CHD6: variants seen among roughly 807,000 people sequenced by gnomAD.
The protein encoded by CHD6 is ATP-dependent chromatin remodeler CHD6.
A neutral mutation model predicts 276.9 loss-of-function variants in CHD6; 50 were observed. The ratio of observed to expected loss-of-function variants is 0.18; its 90% CI spans 0.14 to 0.23. CHD6 has a LOEUF of 0.23. Among genes scored for constraint, CHD6 ranks in the 10% least tolerant of loss-of-function variants. The probability of loss-of-function intolerance (pLI) is 1.00; values close to 1 mark genes in which losing one functional copy is unlikely to be tolerated. For missense variants in CHD6, 2,564 were observed against 3,365.8 expected (o/e 0.76, Z 5.89); for synonymous variants, 1,173 against 1,229.3 (o/e 0.95, Z 0.96).
At chr20:41,524,601 AG>A (rs2044483316) in intron 3 of CHD6, among the ~76,000 whole-genome samples, 1 of 152,212 alleles carries the variant, frequency 6.6e-6, no homozygotes, top group Non-Finnish European at 1.5e-5. Flanking sequence ...CCAAATCCCC[AG>A]AGAGGATCAC....
intron 17 of CHD6, among the ~76,000 whole-genome samples, chr20:41,463,192 A>G (rs2042842551): frequency 6.6e-6 from 1 of 152,218 alleles, no homozygotes; most frequent in South Asian, 2.1e-4. Context: ...ATTCATATTG[A>G]CATAAAATAA....
At chr20:41,446,166 T>C (rs935185929) in intron 24 of CHD6, among the ~76,000 whole-genome samples, 6 of 152,118 alleles carry the variant, frequency 3.9e-5, no homozygotes, top group African/African-American at 7.2e-5. Flanking sequence ...TCATACATGA[T>C]TGTATGTTTA....
intron 1 of CHD6, among the ~76,000 whole-genome samples, chr20:41,555,630 G>C (rs1437621751): frequency 1.3e-5 from 2 of 151,714 alleles, no homozygotes; most frequent in African/African-American, 2.4e-5. Flanking sequence ...CGGCCGGGTA[G>C]AGGCACTCCT....
intron 16 of CHD6, chr20:41,482,464 T>C (rs189677997): frequency 1.2e-4 from 55 of 455,494 alleles, no homozygotes; most frequent in African/African-American, 7.8e-4. Context: ...AAAGTACATG[T>C]AATGTACAAG....
chr20:41,607,852 T>C (rs1479622903), intron 1 of CHD6, among the ~76,000 whole-genome samples: 2 of 151,954 alleles, frequency 1.3e-5, no homozygotes, highest in Non-Finnish European at 2.9e-5. Flanking sequence ...TCATTACATA[T>C]TTCTTTAAAA....
At chr20:41,493,776 C>G in intron 9 of CHD6, 82 bp downstream of exon 9, 1 of 1,558,912 alleles carries the variant, frequency 6.4e-7, no homozygotes, top group South Asian at 1.1e-5. Context: ...GACAGGAATA[C>G]CACTAAGACA....
intron 1 of CHD6, among the ~76,000 whole-genome samples, chr20:41,562,533 A>C (rs986427438): frequency 2.0e-5 from 3 of 152,040 alleles, no homozygotes; most frequent in Non-Finnish European, 2.9e-5. Context: ...TAGATGCCCA[A>C]AAGTTTTCTT....
chr20:41,427,289 C>T (rs755384318), intron 27 of CHD6, among the ~76,000 whole-genome samples: 7 of 151,710 alleles, frequency 4.6e-5, no homozygotes, highest in Non-Finnish European at 1.0e-4. Context: ...CCTGATACGA[C>T]GCAAAGAACA....
At chr20:41,426,233 G>C (rs953781601) in intron 27 of CHD6, 80 bp from the exon 28 acceptor site, 27 of 1,003,594 alleles carry the variant, frequency 2.7e-5, no homozygotes, top group Non-Finnish European at 3.7e-5. Context: ...AACGGAAAGA[G>C]TAAGCATCAC....
At chr20:41,612,562 G>C (rs1427112143) in intron 1 of CHD6, among the ~76,000 whole-genome samples, 5 of 152,158 alleles carry the variant, frequency 3.3e-5, no homozygotes, top group Non-Finnish European at 7.3e-5. Flanking sequence ...TGCCAGCAGT[G>C]CAAGAATTTC....
chr20:41,415,171 G>T lies in CHD6; in HGVS notation c.6939+15C>A. ...GAAAGGTAAATGTTTTTAATCTAAT[G>T]ACCTCAATACCCACCAAGATTCCCG... On this transcript the variant is annotated intron_variant, in intron 34 of 36. Coordinates refer to ENST00000373233, the MANE Select transcript of CHD6 (RefSeq NM_032221.5). 1 of 1,597,686 alleles carries T rather than the reference G, an allele frequency of 6.3e-7. No individual in the cohort carries two copies.
In CHD6 at chr20:41,404,612, G is replaced by A; in HGVS notation, c.8129C>T (p.Ser2710Phe). Residue 2710 changes from serine (S) to phenylalanine (F), a missense_variant, in exon 37 of 37, where the codon TCC (serine) becomes TTC (phenylalanine). Around this residue, in one of 7 missense-constraint regions of CHD6, gnomAD observed 238 missense variants for 266.0 expected, o/e 0.89. Transcript: ENST00000373233. The part of the protein sequence containing the change: ...AQAGEGALKD[S>F]NNDTN Reference sequence around the variant, plus strand: ...AAAGTTCTAATTGGTGTCGTTGTTGGAGTCTTTGAGTGCCCCCTCCCCAGC... The same window carrying A: ...AAAGTTCTAATTGGTGTCGTTGTTGAAGTCTTTGAGTGCCCCCTCCCCAGC... 6.7e-7 allele frequency: 1 copy of A among 1,489,850 alleles called. No homozygotes were observed. The highest frequency in any genetic ancestry group is 8.9e-7 in the Non-Finnish European group (1 of 1,118,522). 92.3% of individuals were successfully genotyped at this position (1,489,850 alleles called of 1,614,324 possible). A position where few individuals can be genotyped will look rare whatever the true frequency, so the allele number is the denominator to read the frequency against.
chr20:41,581,739 A>T (rs574580970), intron 1 of CHD6, among the ~76,000 whole-genome samples: 1 of 152,296 alleles, frequency 6.6e-6, no homozygotes, highest in Non-Finnish European at 1.5e-5. Flanking sequence ...GAAAAAGTAA[A>T]TCTACTAGTA....
rs1440768609 is a variant in CHD6 at position 41,402,522 on chromosome 20, C to T, written c.*2071G>A. 1 of 230,742 alleles carries T rather than the reference C, an allele frequency of 4.3e-6. No individual in the cohort carries two copies. The highest frequency in any genetic ancestry group is 8.6e-6 in the Non-Finnish European group (1 of 116,556). The allele number at this position is 230,742 out of a possible 1,614,324, so 14.3% of individuals were successfully genotyped here. On this transcript the variant is annotated 3_prime_UTR_variant, in exon 37 of 37. Coordinates refer to ENST00000373233, the MANE Select transcript of CHD6 (RefSeq NM_032221.5). ...TTTTCCATACAAAACAACAACAACA[C>T]AACGACAACAAAGAAAACCAGACTC...
At chr20:41,501,906 C>T (rs1273159861) in intron 5 of CHD6, among the ~76,000 whole-genome samples, 18 of 152,112 alleles carry the variant, frequency 1.2e-4, no homozygotes, top group Admixed American at 1.2e-3. Flanking sequence ...GGATGCTGTG[C>T]CCCTTTTCAT....
chr20:41,451,449 G>A lies in CHD6; in HGVS notation c.3524-344C>T, dbSNP rs143953326. Among the ~76,000 whole-genome samples, 161 of 152,338 alleles carry A rather than the reference G, an allele frequency of 1.1e-3. 2 individuals are homozygous for A. The highest frequency in any genetic ancestry group is 2.9e-3 in the Admixed American group (45 of 15,308). ...ACCTAAAACTTCAAGGGGAGCCTTA[G>A]CCAAGGATAGGGAAGGAATGTAGCA... On this transcript the variant is annotated intron_variant, in intron 22 of 36. Transcript: ENST00000373233.
At chr20:41,488,688 C>T in intron 12 of CHD6, 84 bp from the exon 13 acceptor site, 1 of 1,186,186 alleles carries the variant, frequency 8.4e-7, no homozygotes, top group Non-Finnish European at 1.2e-6. Context: ...GGAGGCAGCA[C>T]TACAGATGCT....
At chr20:41,512,276 C>T (rs1352263938) in intron 5 of CHD6, among the ~76,000 whole-genome samples, 4 of 151,942 alleles carry the variant, frequency 2.6e-5, no homozygotes, top group Non-Finnish European at 5.9e-5. Context: ...AAGACTTTCA[C>T]ATTTTAATGA....
At position 41,405,445 on chromosome 20, in the gene CHD6, A is replaced by G. The variant is rs769332021; in HGVS notation, c.7296T>C (p.Pro2432=). Residue 2432 remains proline, a synonymous_variant, in exon 37 of 37, where the codon CCT becomes CCC. Transcript: ENST00000373233. The part of the protein sequence containing the change: ...ENKFNHTLAE[P]ILRDTGPRRR... Reference sequence around the variant, plus strand: ...TGCGGGGGCCCGTATCTCGAAGAATAGGCTCAGCCAGAGTGTGATTGAACT... The same window carrying G: ...TGCGGGGGCCCGTATCTCGAAGAATGGGCTCAGCCAGAGTGTGATTGAACT... The G allele has an allele frequency of 3.8e-6, 6 of 1,593,372 alleles. No homozygotes were observed. The highest frequency in any genetic ancestry group is 5.1e-6 in the Non-Finnish European group (6 of 1,168,974).
Sources: gnomAD v4.1 joint callset for allele counts (sites outside exome capture counted in the v4.1 genomes callset) on GRCh38, gnomAD v4.1.1 for gene constraint, gnomAD v4.1.1 regional missense constraint, MANE v1.5 for transcripts, NCBI Gene and HGNC (gene_info 2026-07-23, HGNC 2026-07-21) for gene names.